The following SCTR variants were observed in gnomAD, a reference collection of about 807,000 sequenced individuals.
The protein encoded by SCTR is secretin receptor, also known as pancreatic secretin receptor.
A neutral mutation model predicts 60.8 loss-of-function variants in SCTR; 56 were observed. The observed-to-expected ratio is 0.92, with a 90% CI of 0.74 to 1.15. SCTR has a LOEUF of 1.15. Among genes scored for constraint, SCTR ranks in the 50% most tolerant of loss-of-function variants. SCTR has a pLI of 0.00. For synonymous variants in SCTR, 202 were observed against 217.0 expected (o/e 0.93, Z 0.61); for missense variants, 562 against 550.4 (o/e 1.02, Z -0.21).
At chr2:119,518,841 G>T (rs1377798081) in intron 1 of SCTR, among the ~76,000 whole-genome samples, 1 of 152,122 alleles carries the variant, frequency 6.6e-6, no homozygotes, top group Admixed American at 6.5e-5. Context: ...CAGGAAGAGA[G>T]GCTATGTCCT....
intron 1 of SCTR, among the ~76,000 whole-genome samples, chr2:119,508,352 T>C (rs949053181): frequency 1.3e-5 from 2 of 151,582 alleles, no homozygotes; most frequent in South Asian, 2.1e-4. Context: ...AATTTTCTTT[T>C]TCTTTCTTTC....
chr2:119,520,620 ATGTGCCAG>A (rs1679259090), intron 1 of SCTR, among the ~76,000 whole-genome samples: 1 of 152,198 alleles, frequency 6.6e-6, no homozygotes, highest in African/African-American at 2.4e-5. Context: ...GAAGGCTTCC[ATGTGCCAG>A]AGCCTGTACT....
chr2:119,500,745 TG>T (rs1261089320), intron 1 of SCTR, among the ~76,000 whole-genome samples: 2 of 152,030 alleles, frequency 1.3e-5, no homozygotes, highest in African/African-American at 4.8e-5. Context: ...GAAAAGGGGT[TG>T]AAGAGAGGTT....
At chr2:119,495,930 C>T (rs938014343) in intron 1 of SCTR, among the ~76,000 whole-genome samples, 6 of 152,220 alleles carry the variant, frequency 3.9e-5, no homozygotes, top group Non-Finnish European at 5.9e-5. Context: ...CATTTACTCT[C>T]GACACCATAC....
intron 1 of SCTR, among the ~76,000 whole-genome samples, chr2:119,505,910 G>A (rs1678725501): frequency 6.6e-6 from 1 of 152,136 alleles, no homozygotes; most frequent in Admixed American, 6.6e-5. Context: ...ACATGAACAT[G>A]TATTCAACAT....
intron 11 of SCTR, among the ~76,000 whole-genome samples, chr2:119,446,464 A>C (rs1682930998): frequency 6.6e-6 from 1 of 152,046 alleles, no homozygotes; most frequent in Non-Finnish European, 1.5e-5. Flanking sequence ...CGTTATTTTG[A>C]CCATGTATAT....
intron 1 of SCTR, among the ~76,000 whole-genome samples, chr2:119,515,811 C>T (rs1679094410): frequency 6.6e-6 from 1 of 152,152 alleles, no homozygotes; most frequent in African/African-American, 2.4e-5. Flanking sequence ...AAGGAGGTGC[C>T]CAGCACTGCA....
intron 11 of SCTR, among the ~76,000 whole-genome samples, chr2:119,444,150 CTT>C (rs1491575588): frequency 7.0e-6 from 1 of 142,576 alleles, no homozygotes; most frequent in Non-Finnish European, 1.5e-5. Flanking sequence ...TATACATATT[CTT>C]ATATATATAT....
In SCTR at chr2:119,453,766, A is replaced by G. The variant is rs377521819; in HGVS notation, c.791-419T>C. Among the ~76,000 whole-genome samples the G allele has an allele frequency of 3.9e-5, 6 of 152,356 alleles. 1 individual carries two copies. In the South Asian group the frequency reaches 1.2e-3, roughly 32 times the overall value. On this transcript the variant is annotated intron_variant, in intron 7 of 12. Coordinates refer to ENST00000019103, the MANE Select transcript of SCTR (RefSeq NM_002980.3). ...AGGAGGAAGTGGAGAAGGGGTGGAC[A>G]CAGGTCATGAAAGAAACGTTGATTT...
intron 9 of SCTR, among the ~76,000 whole-genome samples, chr2:119,451,528 A>G (rs561117757): frequency 1.9e-4 from 29 of 152,320 alleles, no homozygotes; most frequent in African/African-American, 7.0e-4. Context: ...CCGCCCCTCC[A>G]GGCCTGAGCC....
intron 1 of SCTR, among the ~76,000 whole-genome samples, chr2:119,507,624 A>G (rs1372740619): frequency 6.7e-6 from 1 of 149,460 alleles, no homozygotes; most frequent in East Asian, 2.0e-4. Context: ...GGTGTCATAT[A>G]TGAAATGAAA....
chr2:119,514,467 A>C (rs1447727791), intron 1 of SCTR, among the ~76,000 whole-genome samples: 1 of 152,240 alleles, frequency 6.6e-6, no homozygotes, highest in African/African-American at 2.4e-5. Context: ...CAAAGAAGAC[A>C]CAAATAAGAG....
intron 4 of SCTR, among the ~76,000 whole-genome samples, chr2:119,471,061 G>A (rs925982574): frequency 2.6e-5 from 4 of 152,198 alleles, no homozygotes; most frequent in Admixed American, 2.0e-4. Context: ...GAAGCCACCA[G>A]GACAGCAGGG....
chr2:119,523,808 A>T (rs1202425923), intron 1 of SCTR, among the ~76,000 whole-genome samples: 1 of 152,130 alleles, frequency 6.6e-6, no homozygotes, highest in Non-Finnish European at 1.5e-5. Context: ...TCAAGGAAAG[A>T]TTGGAGGCAA....
chr2:119,445,017 C>G (rs1451565134), intron 11 of SCTR, among the ~76,000 whole-genome samples: 1 of 144,316 alleles, frequency 6.9e-6, no homozygotes, highest in African/African-American at 2.6e-5. Context: ...ATGTATAAAA[C>G]TTTAAAAGAT....
At chr2:119,503,298 G>A (rs184953860) in intron 1 of SCTR, among the ~76,000 whole-genome samples, 51 of 152,180 alleles carry the variant, frequency 3.4e-4, no homozygotes, top group Admixed American at 1.6e-3. Context: ...TGGCAGTGGC[G>A]TCTTACACTT....
intron 3 of SCTR, among the ~76,000 whole-genome samples, chr2:119,478,346 C>T (rs956773074): frequency 3.9e-5 from 6 of 152,198 alleles, no homozygotes; most frequent in African/African-American, 1.4e-4. Context: ...AAGACAACCC[C>T]TCGCCCCAGG....
chr2:119,487,660 C>T (rs1032053420), intron 2 of SCTR, among the ~76,000 whole-genome samples: 1 of 152,232 alleles, frequency 6.6e-6, no homozygotes, highest in African/African-American at 2.4e-5. Context: ...AATAAATAGC[C>T]CTGTGGGGCA....
intron 2 of SCTR, chr2:119,480,905 C>A: frequency 6.6e-6 from 1 of 152,622 alleles, no homozygotes; most frequent in Non-Finnish European, 1.5e-5. Flanking sequence ...AGAGCCAGGA[C>A]TCAAGTCGGC....
Sources: gnomAD v4.1 joint callset for allele counts (sites outside exome capture counted in the v4.1 genomes callset) on GRCh38, gnomAD v4.1.1 for gene constraint, MANE v1.5 for transcripts, NCBI Gene and HGNC (gene_info 2026-07-23, HGNC 2026-07-21) for gene names.